OXCT1: variants seen among roughly 807,000 people sequenced by gnomAD.
The protein encoded by OXCT1 is 3-oxoacid CoA-transferase 1, also known as succinyl-CoA:3-ketoacid coenzyme A transferase 1, mitochondrial.
Under a neutral mutation model 69.6 loss-of-function variants are expected in OXCT1, and 27 were observed. The observed-to-expected ratio is 0.39, with a 90% CI of 0.29 to 0.54. The LOEUF (loss-of-function observed/expected upper bound fraction) is 0.54, where lower values mean the gene tolerates loss of function less well. Among genes scored for constraint, OXCT1 ranks in the 20% least tolerant of loss-of-function variants. OXCT1 has a pLI of 0.72. For synonymous variants in OXCT1, 202 were observed against 217.8 expected (o/e 0.93, Z 0.64); for missense variants, 437 against 650.2 (o/e 0.67, Z 3.57).
At chr5:41,841,711 A>G (rs1748634231) in intron 6 of OXCT1, among the ~76,000 whole-genome samples, 1 of 152,252 alleles carries the variant, frequency 6.6e-6, no homozygotes. Flanking sequence ...TTTTTTAAAA[A>G]GCAACTAAAC....
intron 15 of OXCT1, among the ~76,000 whole-genome samples, chr5:41,742,267 TC>T (rs1743206295): frequency 6.6e-6 from 1 of 152,228 alleles, no homozygotes; most frequent in Non-Finnish European, 1.5e-5. Context: ...TAGGAAACTT[TC>T]CATTTAGTGA....
At chr5:41,819,457 G>A (rs1214925401) in intron 7 of OXCT1, among the ~76,000 whole-genome samples, 3 of 151,994 alleles carry the variant, frequency 2.0e-5, no homozygotes, top group Non-Finnish European at 2.9e-5. Flanking sequence ...TGCAACCTCC[G>A]CCTCCCGGGT....
intron 7 of OXCT1, among the ~76,000 whole-genome samples, chr5:41,813,921 CT>C (rs1156345158): frequency 6.6e-6 from 1 of 152,072 alleles, no homozygotes; most frequent in Non-Finnish European, 1.5e-5. Context: ...CATTAGCTTT[CT>C]TTTATATGTA....
At chr5:41,805,443 A>T in intron 9 of OXCT1, 124 bp downstream of exon 9, 1 of 665,662 alleles carries the variant, frequency 1.5e-6, no homozygotes, top group Non-Finnish European at 2.6e-6. Context: ...AAAAAAATTG[A>T]TTAATTACCT....
chr5:41,753,581 T>C (rs1356176367), intron 14 of OXCT1, among the ~76,000 whole-genome samples: 1 of 152,088 alleles, frequency 6.6e-6, no homozygotes, highest in African/African-American at 2.4e-5. Flanking sequence ...AAAACCTTCA[T>C]CCAGCATCCT....
At position 41,850,101 on chromosome 5, in the gene OXCT1, C is replaced by T; in HGVS notation, c.493G>A (p.Val165Ile). ...FYTPTGYGTL[V>I]QEGGSPIKYN... Reference sequence around the variant, plus strand: ...TTGATGGGCGATCCTCCTTCTTGTACCAGGGTCCCATACCCTGTTGGGGTG... The same window carrying T: ...TTGATGGGCGATCCTCCTTCTTGTATCAGGGTCCCATACCCTGTTGGGGTG... The change falls in exon 5 of 17, where the codon GTA becomes ATA. Residue 165 changes from valine to isoleucine, a missense_variant. This residue lies in a region of OXCT1 where 252 missense variants were observed against 397.4 expected (regional missense o/e 0.63). Coordinates refer to ENST00000196371, the MANE Select transcript of OXCT1 (RefSeq NM_000436.4). The T allele has an allele frequency of 2.5e-6, 4 of 1,613,862 alleles. No individual in the cohort carries two copies. Among genetic ancestry groups the T allele is most frequent in the Non-Finnish European group, 3.4e-6 (4 of 1,179,808 alleles).
intron 15 of OXCT1, among the ~76,000 whole-genome samples, chr5:41,743,994 T>C (rs1018310309): frequency 6.6e-6 from 1 of 152,094 alleles, no homozygotes; most frequent in Non-Finnish European, 1.5e-5. Context: ...AACTTTAAAG[T>C]AGTTTGTTCC....
intron 5 of OXCT1, among the ~76,000 whole-genome samples, chr5:41,844,004 CAAT>C (rs1438278273): frequency 2.0e-5 from 3 of 152,170 alleles, no homozygotes; most frequent in Non-Finnish European, 4.4e-5. Flanking sequence ...TAAATACCAA[CAAT>C]GATAGTTGAG....
intron 7 of OXCT1, among the ~76,000 whole-genome samples, chr5:41,828,759 T>A (rs1232411123): frequency 1.3e-5 from 2 of 152,204 alleles, no homozygotes; most frequent in African/African-American, 2.4e-5. Flanking sequence ...GTTGATCCTT[T>A]AAGAAATACT....
chr5:41,770,897 C>T (rs191528230), intron 13 of OXCT1, among the ~76,000 whole-genome samples: 54 of 152,246 alleles, frequency 3.5e-4, no homozygotes, highest in African/African-American at 1.3e-3. Context: ...AATTACTTTA[C>T]AGAAACTATC....
chr5:41,760,708 G>T (rs914851108), intron 14 of OXCT1, among the ~76,000 whole-genome samples: 2 of 152,128 alleles, frequency 1.3e-5, no homozygotes, highest in Admixed American at 6.5e-5. Flanking sequence ...TGATTTGCAT[G>T]CTTGGCATCC....
chr5:41,750,148 T>G (rs988144138), intron 14 of OXCT1, among the ~76,000 whole-genome samples: 35 of 149,622 alleles, frequency 2.3e-4, no homozygotes, highest in Non-Finnish European at 4.2e-4. Context: ...TTTTTTTTTT[T>G]TTTTTTTTTT....
intron 7 of OXCT1, among the ~76,000 whole-genome samples, chr5:41,824,257 G>A (rs924576992): frequency 3.9e-5 from 6 of 152,076 alleles, no homozygotes; most frequent in East Asian, 1.9e-4. Flanking sequence ...TTACTATAAA[G>A]TGCTTTACAT....
intron 16 of OXCT1, among the ~76,000 whole-genome samples, chr5:41,738,683 A>G (rs1301304748): frequency 1.3e-5 from 2 of 152,218 alleles, no homozygotes; most frequent in Non-Finnish European, 2.9e-5. Context: ...GTTAACTTCA[A>G]ATAGACTGAG....
intron 14 of OXCT1, among the ~76,000 whole-genome samples, chr5:41,757,427 C>T (rs1251700078): frequency 6.6e-6 from 1 of 152,066 alleles, no homozygotes; most frequent in Non-Finnish European, 1.5e-5. Context: ...GCAGGCTCTG[C>T]TTTGCTCACC....
At chr5:41,799,194 T>A (rs954253933) in intron 11 of OXCT1, among the ~76,000 whole-genome samples, 1 of 151,490 alleles carries the variant, frequency 6.6e-6, no homozygotes, top group African/African-American at 2.4e-5. Context: ...GAGATTTCCA[T>A]AAAATGCTTT....
chr5:41,784,858 C>A (rs1745572785), intron 13 of OXCT1, among the ~76,000 whole-genome samples: 1 of 152,140 alleles, frequency 6.6e-6, no homozygotes, highest in South Asian at 2.1e-4. Flanking sequence ...AGTTTTTAAT[C>A]ATTGACAGGA....
chr5:41,739,673 G>A (rs1398592480), intron 15 of OXCT1, 182 bp from the exon 16 acceptor site: 18 of 536,864 alleles, frequency 3.4e-5, no homozygotes, highest in Non-Finnish European at 6.8e-6. Context: ...AGACCATCCT[G>A]GCTAACACGG....
Position 41,759,553 on chromosome 5 carries a change from T to C in OXCT1, c.1338+2558A>G, listed in dbSNP as rs551940045. On this transcript the variant is annotated intron_variant, in intron 14 of 16. Coordinates refer to ENST00000196371, the MANE Select transcript of OXCT1 (RefSeq NM_000436.4). ...GTGTGCCTGACATACGTTGCAGAGG[T>C]AGTCTGAGGGCAGGTGTTACTCCAG... Among the ~76,000 whole-genome samples, 41 of 152,048 alleles carry C rather than the reference T, an allele frequency of 2.7e-4. 1 individual carries two copies. The highest frequency in any genetic ancestry group is 3.4e-4 in the Non-Finnish European group (23 of 67,962).
Sources: allele counts gnomAD v4.1 joint callset (sites outside exome capture counted in the v4.1 genomes callset), GRCh38; gene constraint gnomAD v4.1.1; regional missense constraint gnomAD v4.1.1; transcripts MANE v1.5; gene names NCBI Gene and HGNC (gene_info 2026-07-23, HGNC 2026-07-21).